Variants in RPN1 observed in about 807,000 individuals in gnomAD.
RPN1 encodes dolichyl-diphosphooligosaccharide--protein glycosyltransferase subunit 1.
RPN1 carries 12 observed loss-of-function variants against 55.5 expected under a neutral mutation model. The observed-to-expected ratio is 0.22, with a 90% CI of 0.14 to 0.35. RPN1 has a LOEUF of 0.35. RPN1 is among the 10% of genes least tolerant of loss of function. The pLI is 1.00. For missense variants in RPN1, 679 were observed against 761.3 expected (o/e 0.89, Z 1.27); for synonymous variants, 317 against 305.9 (o/e 1.04, Z -0.38).
chr3:128,638,992 A>T (rs1337175139), intron 2 of RPN1, among the ~76,000 whole-genome samples: 1 of 152,106 alleles, frequency 6.6e-6, no homozygotes, highest in Admixed American at 6.6e-5. Flanking sequence ...ATAGAACCAC[A>T]CAACAGAATA....
Position 128,650,593 on chromosome 3 carries a change from G to A in RPN1, c.208C>T (p.Leu70=). The A allele has an allele frequency of 6.5e-7, 1 of 1,549,612 alleles. No individual in the cohort carries two copies. The highest frequency in any genetic ancestry group is 1.2e-5 in the South Asian group (1 of 84,058). ...GGSTSRATSF[L]LALEPELEAR... is the part of the protein sequence containing the mutation. ...TCGAGCTCAGGCTCCAAAGCCAGCA[G>A]GAAAGAGGTAGCTCGGGACGTGGAG... The change falls in exon 1 of 10, where the codon CTG becomes TTG. Residue 70 remains leucine, a synonymous_variant. Transcript: ENST00000296255.
intron 1 of RPN1, among the ~76,000 whole-genome samples, chr3:128,649,999 G>A (rs1422679625): frequency 2.0e-5 from 3 of 152,228 alleles, no homozygotes; most frequent in African/African-American, 7.2e-5. Context: ...TCTATGTCTA[G>A]AAAGAAGCAC....
At chr3:128,632,434 T>C (rs2069649010) in intron 3 of RPN1, among the ~76,000 whole-genome samples, 1 of 152,202 alleles carries the variant, frequency 6.6e-6, no homozygotes, top group African/African-American at 2.4e-5. Flanking sequence ...GAGTTCTAAA[T>C]AAGTGCATTA....
chr3:128,626,055 A>C, intron 6 of RPN1, 43 bp from the exon 7 acceptor site: 1 of 1,547,358 alleles, frequency 6.5e-7, no homozygotes, highest in Non-Finnish European at 8.7e-7. Flanking sequence ...AACCAACTAC[A>C]TCAATAAACC....
intron 3 of RPN1, among the ~76,000 whole-genome samples, chr3:128,636,858 C>G (rs984800348): frequency 1.3e-5 from 2 of 152,176 alleles, no homozygotes; most frequent in Non-Finnish European, 2.9e-5. Context: ...GCAAAGAAAT[C>G]TTAAACGTCT....
intron 8 of RPN1, among the ~76,000 whole-genome samples, chr3:128,622,858 C>T (rs560198713): frequency 2.1e-4 from 32 of 150,378 alleles, no homozygotes; most frequent in African/African-American, 7.1e-4. Context: ...GATCGCACCA[C>T]TGCACTCCAG....
Position 128,626,027 on chromosome 3 carries a change from G to T in RPN1, c.1137-15C>A, listed in dbSNP as rs1319422230. On this transcript the variant is annotated splice_polypyrimidine_tract_variant and intron_variant, in intron 6 of 9. Transcript: ENST00000296255. ...TTTCAATGTTCCTGGAAGAAGATGG[G>T]AATAAAATATAGCCTCCAACCAACT... 2 of 1,588,794 alleles carry T rather than the reference G, an allele frequency of 1.3e-6. No homozygotes were observed. Among genetic ancestry groups the T allele is most frequent in the South Asian group, 2.3e-5 (2 of 87,134 alleles).
chr3:128,627,467 C>T (rs368230616), intron 5 of RPN1, among the ~76,000 whole-genome samples: 1 of 152,154 alleles, frequency 6.6e-6, no homozygotes, highest in African/African-American at 2.4e-5. Flanking sequence ...ATCCCTCCTT[C>T]GGAAAGGTCA....
chr3:128,638,045 G>T lies in RPN1; in HGVS notation c.387C>A (p.Val129=), dbSNP rs749280827. ...VALDPGAKIS[V]IVETVYTHVL... is the part of the protein sequence containing the mutation. The stretch of plus-strand genomic sequence containing the variant: ...CATGGGTGTAGACTGTTTCCACAAT[G>T]ACTGAAATCTTGGCCCCAGGATCAA... Residue 129 remains valine, a synonymous_variant, in exon 3 of 10, where the codon GTC becomes GTA. Coordinates refer to ENST00000296255, the MANE Select transcript of RPN1 (RefSeq NM_002950.4). 1.3e-5 allele frequency: 21 copies of T among 1,614,054 alleles called. No individual in the cohort carries two copies. Among genetic ancestry groups the T allele is most frequent in the Non-Finnish European group, 1.8e-5 (21 of 1,179,966 alleles).
At chr3:128,632,645 A>G (rs545831052) in intron 3 of RPN1, among the ~76,000 whole-genome samples, 1 of 152,238 alleles carries the variant, frequency 6.6e-6, no homozygotes, top group Non-Finnish European at 1.5e-5. Context: ...CCCAGGCTGG[A>G]GTACAATGGT....
chr3:128,650,615 G>A lies in RPN1; in HGVS notation c.186C>T (p.Ser62=). 4 of 1,551,108 alleles carry A rather than the reference G, an allele frequency of 2.6e-6. No individual in the cohort carries two copies. The highest frequency in any genetic ancestry group is 3.5e-6 in the Non-Finnish European group (4 of 1,147,304). ...GCAGGAAAGAGGTAGCTCGGGACGTGGAGCCGCCGCCCAGGTGCGCCAGGA... is the reference window on the plus strand; with the variant it reads ...GCAGGAAAGAGGTAGCTCGGGACGTAGAGCCGCCGCCCAGGTGCGCCAGGA... ...EVVLAHLGGG[S]TSRATSFLLA... is the part of the protein sequence containing the mutation. The change falls in exon 1 of 10, where the codon TCC becomes TCT. Residue 62 remains serine, a synonymous_variant. Transcript: ENST00000296255.
chr3:128,637,439 G>T (rs2069689150), intron 3 of RPN1, among the ~76,000 whole-genome samples: 1 of 151,954 alleles, frequency 6.6e-6, no homozygotes, highest in African/African-American at 2.4e-5. Flanking sequence ...TCCAACCAAG[G>T]CCCAACATTC....
intron 1 of RPN1, among the ~76,000 whole-genome samples, chr3:128,645,627 G>A (rs1461442854): frequency 6.6e-6 from 1 of 151,680 alleles, no homozygotes; most frequent in Admixed American, 6.6e-5. Context: ...GACCAGCCTG[G>A]CCAGTATGGT....
intron 4 of RPN1, among the ~76,000 whole-genome samples, chr3:128,630,516 G>A (rs1367990149): frequency 1.3e-5 from 2 of 152,002 alleles, no homozygotes; most frequent in African/African-American, 4.8e-5. Context: ...TTACAGAAAG[G>A]GTTTTTCTAC....
intron 8 of RPN1, among the ~76,000 whole-genome samples, chr3:128,623,654 G>A (rs527255865): frequency 2.6e-5 from 4 of 152,316 alleles, no homozygotes; most frequent in South Asian, 2.1e-4. Context: ...AGGCTGCAGT[G>A]AGCTGTGATT....
chr3:128,625,372 A>G (rs1249375265), intron 8 of RPN1, among the ~76,000 whole-genome samples, 162 bp downstream of exon 8: 2 of 152,150 alleles, frequency 1.3e-5, no homozygotes, highest in African/African-American at 4.8e-5. Context: ...GCTAGTGACC[A>G]CAAGCAACAA....
chr3:128,624,209 G>A (rs558527821), intron 8 of RPN1, among the ~76,000 whole-genome samples: 1 of 152,154 alleles, frequency 6.6e-6, no homozygotes, highest in African/African-American at 2.4e-5. Context: ...ATCTGACCAG[G>A]CACGGTGTCT....
Position 128,637,839 on chromosome 3 carries a change from A to G in RPN1, c.593T>C (p.Leu198Pro). ...CACATCTCTGAAAGGCCCATAATCC[A>G]GTAGGTCCTCAGAGCGCGTGGGGTT... ...LGNPTRSEDL[L>P]DYGPFRDVPA... The change falls in exon 3 of 10, where the codon CTG (leucine) becomes CCG (proline). Residue 198 changes from leucine (L) to proline (P), a missense_variant. Transcript: ENST00000296255. The G allele has an allele frequency of 1.9e-6, 3 of 1,613,674 alleles. No homozygotes were observed. The highest frequency in any genetic ancestry group is 2.5e-6 in the Non-Finnish European group (3 of 1,180,032).
chr3:128,639,620 T>C (rs2069709834), intron 2 of RPN1, among the ~76,000 whole-genome samples: 1 of 152,086 alleles, frequency 6.6e-6, no homozygotes, highest in African/African-American at 2.4e-5. Flanking sequence ...GGAGTCTTAC[T>C]CTTGTAGCCC....
Sources: allele counts gnomAD v4.1 joint callset (sites outside exome capture counted in the v4.1 genomes callset), GRCh38; gene constraint gnomAD v4.1.1; transcripts MANE v1.5; gene names NCBI Gene and HGNC (gene_info 2026-07-23, HGNC 2026-07-21).